The following CEP164 variants were observed in gnomAD, a reference collection of about 807,000 sequenced individuals.
CEP164 encodes the protein centrosomal protein 164.
In CEP164, 162 loss-of-function variants were observed where a neutral mutation model predicts 182.7. The observed-to-expected ratio is 0.89, with a 90% confidence interval of 0.78 to 1.01. The LOEUF (loss-of-function observed/expected upper bound fraction) is 1.01, where lower values mean the gene tolerates loss of function less well. Among genes scored for constraint, CEP164 ranks in the 50% least tolerant of loss-of-function variants. CEP164 has a pLI of 0.00. For synonymous variants in CEP164, 661 were observed against 690.0 expected, an observed-to-expected ratio of 0.96 and a Z score of 0.66; for missense variants, 1,735 against 1,790.4, an observed-to-expected ratio of 0.97 and a Z score of 0.56.
chr11:117,363,441 T>C lies in CEP164; in HGVS notation c.700T>C (p.Ser234Pro). 1 of 1,613,712 alleles carries C rather than the reference T, an allele frequency of 6.2e-7. No homozygotes were observed. Among genetic ancestry groups the C allele is most frequent in the Non-Finnish European group, 8.5e-7 (1 of 1,179,694 alleles). The change falls in exon 8 of 33, where the codon TCA becomes CCA. Residue 234 changes from serine (S) to proline (P), a missense_variant. By Grantham distance (74) the Ser-to-Pro change is moderately conservative. Coordinates refer to ENST00000278935, the MANE Select transcript of CEP164 (RefSeq NM_014956.5). The part of the protein sequence containing the change: ...EESDNQSVHS[S>P]SEPLRNLHLD... Reference sequence around the variant, plus strand: ...TTTTTGTTTCTAGAGTGTCCACAGCTCAAGTGAGCCTCTTAGGAACCTACA... The same window carrying C: ...TTTTTGTTTCTAGAGTGTCCACAGCCCAAGTGAGCCTCTTAGGAACCTACA...
rs1287132492 is a variant in CEP164, at chr11:117,395,120, A to AAGC, written c.2845-1_2845insCAG. On this transcript the variant is annotated splice_region_variant and splice_polypyrimidine_tract_variant and intron_variant, in intron 22 of 32. Transcript: ENST00000278935. Reference sequence around the variant, plus strand: ...CCAGAAAATCCTGTCTCTTCCCTGCAAGGAGGAGACCGCCCGGAGGGAGAA... The same window carrying AAGC: ...CCAGAAAATCCTGTCTCTTCCCTGCAAGCAGGAGGAGACCGCCCGGAGGGAGAA... 6.2e-7 allele frequency: 1 copy of AAGC among 1,614,196 alleles called. No homozygotes were observed. The highest frequency in any genetic ancestry group is 2.2e-5 in the East Asian group (1 of 44,876).
At position 117,371,318 on chromosome 11, in the gene CEP164, C is replaced by T; in HGVS notation, c.1004C>T (p.Thr335Ile). Residue 335 changes from threonine to isoleucine, a missense_variant, in exon 9 of 33, where the codon ACA becomes ATA. Physicochemically the swap from Thr to Ile is moderately conservative, Grantham distance 89 (BLOSUM62 -1). Coordinates refer to ENST00000278935, the MANE Select transcript of CEP164 (RefSeq NM_014956.5). ...RNLVTPKADP[T>I]GSEPAKASEK... The stretch of plus-strand genomic sequence containing the variant: ...CTGGTGACCCCCAAGGCAGACCCTA[C>T]AGGCAGTGAGCCTGCCAAAGCCTCT... The T allele has an allele frequency of 1.9e-6, 3 of 1,614,246 alleles. No homozygotes were observed. The highest frequency in any genetic ancestry group is 1.1e-5 in the South Asian group (1 of 91,088).
At chr11:117,355,294 A>G in intron 5 of CEP164, 1 of 1,289,852 alleles carries the variant, frequency 7.8e-7, no homozygotes, top group Non-Finnish European at 1.0e-6. Context: ...TGGGGTTTTC[A>G]GATCCTGAAA....
At chr11:117,396,003 C>A (rs760844442) in intron 24 of CEP164, 51 bp from the exon 25 acceptor site, 2 of 1,610,444 alleles carry the variant, frequency 1.2e-6, no homozygotes, top group Non-Finnish European at 1.7e-6. Flanking sequence ...TTCACCCCTC[C>A]CCCCCATCGC....
At chr11:117,365,579 C>A (rs1170631429) in intron 8 of CEP164, among the ~76,000 whole-genome samples, 3 of 151,852 alleles carry the variant, frequency 2.0e-5, no homozygotes, top group Non-Finnish European at 2.9e-5. Flanking sequence ...TTCTTTCTTT[C>A]TTTCTTTCTT....
chr11:117,362,472 T>A lies in CEP164; in HGVS notation c.621T>A (p.Thr207=). 6.2e-7 allele frequency: 1 copy of A among 1,613,864 alleles called. No individual in the cohort carries two copies. The highest frequency in any genetic ancestry group is 8.5e-7 in the Non-Finnish European group (1 of 1,179,958). ...GLLGSIYEDK[T]ALSLLGLGEE... ...TGGGCTCCATATATGAGGACAAGAC[T>A]GCTCTCAGCCTCTTGGGTTTAGGAG... is the stretch of plus-strand genomic sequence containing the variant. The change falls in exon 7 of 33, where the codon ACT becomes ACA. Residue 207 remains threonine (T), a synonymous_variant. Coordinates refer to ENST00000278935, the MANE Select transcript of CEP164 (RefSeq NM_014956.5).
upstream of CEP164, among the ~76,000 whole-genome samples, chr11:117,323,191 G>GT (rs1183934059): frequency 1.3e-5 from 2 of 152,000 alleles, no homozygotes; most frequent in Non-Finnish European, 2.9e-5. Context: ...ATGAGCCACC[G>GT]TGCCCAGCCT....
intron 5 of CEP164, chr11:117,356,526 C>A (rs1428195628): frequency 2.2e-5 from 29 of 1,289,018 alleles, no homozygotes; most frequent in Non-Finnish European, 2.9e-5. Flanking sequence ...CATTTCCAGC[C>A]AAGCAGCAGC....
In CEP164 at chr11:117,410,908, G is replaced by A. The variant is rs376396390; in HGVS notation, c.4163+14G>A. 47 of 1,609,954 alleles carry A rather than the reference G, an allele frequency of 2.9e-5. No individual in the cohort carries two copies. In the African/African-American group the frequency reaches 5.3e-4, roughly 18 times the overall value. On this transcript the variant is annotated intron_variant, in intron 31 of 32. Transcript: ENST00000278935. ...CATGTCTGCCAGGTGAGCCTCCCTG[G>A]GGGCTGGTTGGGGTGGAACGTCATA...
At chr11:117,400,847 A>G (rs935594377) in intron 27 of CEP164, among the ~76,000 whole-genome samples, 6 of 152,178 alleles carry the variant, frequency 3.9e-5, no homozygotes, top group Non-Finnish European at 8.8e-5. Flanking sequence ...GTATCCTGAG[A>G]CTTTGCTGAA....
At chr11:117,346,775 G>A (rs1183825482) in intron 4 of CEP164, among the ~76,000 whole-genome samples, 1 of 151,946 alleles carries the variant, frequency 6.6e-6, no homozygotes, top group Non-Finnish European at 1.5e-5. Context: ...GAGTTAGGAG[G>A]ATCGCTTTAG....
intron 4 of CEP164, among the ~76,000 whole-genome samples, chr11:117,347,059 A>C (rs915069470): frequency 2.0e-4 from 31 of 152,224 alleles, no homozygotes; most frequent in Admixed American, 1.1e-3. Flanking sequence ...ACTTTATTAT[A>C]TACACTGTTC....
intron 8 of CEP164, among the ~76,000 whole-genome samples, chr11:117,368,525 C>T (rs907612067): frequency 6.6e-6 from 1 of 152,184 alleles, no homozygotes; most frequent in Admixed American, 6.5e-5. Flanking sequence ...AGGCAGCCCT[C>T]TTAGGACCAG....
At chr11:117,360,936 C>CT (rs1247919224) in intron 5 of CEP164, among the ~76,000 whole-genome samples, 48,258 of 130,832 alleles carry the variant, frequency 0.37, 9,427 homozygotes, top group African/African-American at 0.4. Flanking sequence ...TCTTATATGG[C>CT]TTTTTTTTTT....
intron 27 of CEP164, among the ~76,000 whole-genome samples, chr11:117,405,381 T>G (rs2046560285): frequency 1.3e-5 from 2 of 152,134 alleles, no homozygotes. Context: ...TCACAGTCCC[T>G]CGTGTCTTCC....
rs149842880 is a variant in CEP164, at chr11:117,378,115, C to T, written c.1317+2324C>T. Reference sequence around the variant, plus strand: ...AACTCTTGACCTCAGGTGATCTGCCCGCCTTGGCCCCCCAAAGTGCTGGGA... The same window carrying T: ...AACTCTTGACCTCAGGTGATCTGCCTGCCTTGGCCCCCCAAAGTGCTGGGA... On this transcript the variant is annotated intron_variant, in intron 11 of 32. Coordinates refer to ENST00000278935, the MANE Select transcript of CEP164 (RefSeq NM_014956.5). 2.6e-3 allele frequency among the ~76,000 whole-genome samples: 400 copies of T among 152,184 alleles called. 1 individual carries two copies. Among genetic ancestry groups the T allele is most frequent in the African/African-American group, 8.1e-3 (338 of 41,512 alleles).
rs1395693893 is a variant in CEP164, at chr11:117,393,024, G to C, written c.2514G>C (p.Glu838Asp). 2 of 1,613,556 alleles carry C rather than the reference G, an allele frequency of 1.2e-6. No homozygotes were observed. Among genetic ancestry groups the C allele is most frequent in the African/African-American group, 1.3e-5 (1 of 75,048 alleles). Residue 838 changes from glutamate (E) to aspartate (D), a missense_variant, in exon 20 of 33, where the codon GAG (glutamate) becomes GAC (aspartate). Transcript: ENST00000278935. The stretch of plus-strand genomic sequence containing the variant: ...TGCAGCTCAGCAGTCTCCTGCGAGA[G>C]AAGCGCCAGGAAGTGGAAGGGGAGC... ...YEHELSSLLR[E>D]KRQEVEGEHE...
upstream of CEP164, among the ~76,000 whole-genome samples, chr11:117,326,568 G>A (rs1009214248): frequency 1.4e-4 from 21 of 152,278 alleles, no homozygotes; most frequent in African/African-American, 4.6e-4. Flanking sequence ...CACCAGGCCC[G>A]GTCGATAGTT....
At chr11:117,390,744 C>A in intron 15 of CEP164, 33 bp from the exon 16 acceptor site, 4 of 1,612,788 alleles carry the variant, frequency 2.5e-6, no homozygotes, top group Non-Finnish European at 3.4e-6. Context: ...TTTGTGGTTT[C>A]TCTGACAACC....
Sources: allele counts gnomAD v4.1 joint callset (sites outside exome capture counted in the v4.1 genomes callset), GRCh38; gene constraint gnomAD v4.1.1; transcripts MANE v1.5; gene names NCBI Gene and HGNC (gene_info 2026-07-23, HGNC 2026-07-21).